Variants in DLEC1 observed in about 807,000 individuals in gnomAD.
The protein encoded by DLEC1 is DLEC1 cilia and flagella associated protein.
A neutral mutation model predicts 198.1 loss-of-function variants in DLEC1; 146 were observed. The ratio of observed to expected loss-of-function variants is 0.74; its 90% CI spans 0.64 to 0.85. The LOEUF (loss-of-function observed/expected upper bound fraction) is 0.85, where lower values mean the gene tolerates loss of function less well. DLEC1 is among the 40% of genes least tolerant of loss of function. The pLI is 0.00. For synonymous variants in DLEC1, 897 were observed against 866.8 expected (o/e 1.03, Z -0.61); for missense variants, 2,233 against 2,220.0 (o/e 1.01, Z -0.12).
At chr3:38,067,862 C>G (rs1442804225) in intron 6 of DLEC1, among the ~76,000 whole-genome samples, 4 of 149,894 alleles carry the variant, frequency 2.7e-5, no homozygotes, top group Non-Finnish European at 4.4e-5. Flanking sequence ...AAGCAATTCT[C>G]CCACTTCAGC....
At chr3:38,121,547 G>A in intron 34 of DLEC1, 81 bp from the exon 35 acceptor site, 1 of 1,514,480 alleles carries the variant, frequency 6.6e-7, no homozygotes, top group East Asian at 2.3e-5. Flanking sequence ...TCAGCACTTG[G>A]GGTCAGCAGG....
intron 19 of DLEC1, among the ~76,000 whole-genome samples, chr3:38,102,015 G>A (rs768259442): frequency 3.9e-5 from 6 of 152,184 alleles, no homozygotes; most frequent in Non-Finnish European, 8.8e-5. Context: ...ATTGGCTCAC[G>A]TAACTGGGCA....
Position 38,122,912 on chromosome 3 carries a change from T to TGAA in DLEC1, c.*502_*504dup. 1 of 927,180 alleles carries TGAA rather than the reference T, an allele frequency of 1.1e-6. No individual in the cohort carries two copies. Among genetic ancestry groups the TGAA allele is most frequent in the South Asian group, 1.6e-5 (1 of 64,452 alleles). 57.4% of individuals were successfully genotyped at this position (927,180 alleles called of 1,614,324 possible). On this transcript the variant is annotated 3_prime_UTR_variant, in exon 37 of 37. Transcript: ENST00000308059. ...CAGTGTTCACATTTTCCAAATGAGTTGAAGTGCCTTGATCTGTCCACTGCC... is the reference window on the plus strand; with the variant it reads ...CAGTGTTCACATTTTCCAAATGAGTTGAAGAAGTGCCTTGATCTGTCCACTGCC...
intron 6 of DLEC1, among the ~76,000 whole-genome samples, chr3:38,082,483 G>A (rs1047319905): frequency 5.9e-5 from 9 of 152,154 alleles, no homozygotes; most frequent in East Asian, 1.9e-4. Flanking sequence ...GGCCCGTCCC[G>A]GTTCGGGTGT....
chr3:38,057,405 G>A (rs925876070), intron 2 of DLEC1, among the ~76,000 whole-genome samples: 21 of 151,990 alleles, frequency 1.4e-4, no homozygotes, highest in African/African-American at 4.8e-4. Context: ...GGTAGGAGAA[G>A]CGCTTGAACC....
At chr3:38,077,609 C>T (rs1447013375) in intron 6 of DLEC1, among the ~76,000 whole-genome samples, 1 of 152,148 alleles carries the variant, frequency 6.6e-6, no homozygotes, top group African/African-American at 2.4e-5. Flanking sequence ...GGTCTGTTAT[C>T]AGATTGTATA....
At chr3:38,115,254 AAG>A (rs1241810817) in intron 27 of DLEC1, among the ~76,000 whole-genome samples, 1 of 152,160 alleles carries the variant, frequency 6.6e-6, no homozygotes, top group Non-Finnish European at 1.5e-5. Flanking sequence ...AACAGACAAT[AAG>A]AGGGGATCCC....
chr3:38,065,120 C>T lies in DLEC1; in HGVS notation c.1173+1201C>T, dbSNP rs548374788. 1.4e-3 allele frequency among the ~76,000 whole-genome samples: 220 copies of T among 152,348 alleles called. 1 individual carries two copies. The highest frequency in any genetic ancestry group is 5.1e-3 in the African/African-American group (211 of 41,588). ...GGGAGGCTGAGGCTGGCAGATCACT[C>T]GTGGTCAGGAGCTGGAGACCAGCCC... is the stretch of plus-strand genomic sequence containing the variant. On this transcript the variant is annotated intron_variant, in intron 6 of 36. Transcript: ENST00000308059.
chr3:38,091,310 A>T (rs917781046), intron 10 of DLEC1, among the ~76,000 whole-genome samples: 4 of 152,080 alleles, frequency 2.6e-5, no homozygotes, highest in Non-Finnish European at 5.9e-5. Flanking sequence ...TAAAAAATTT[A>T]AAAAACTAGC....
At chr3:38,072,628 T>A (rs1290346297) in intron 6 of DLEC1, among the ~76,000 whole-genome samples, 1 of 152,200 alleles carries the variant, frequency 6.6e-6, no homozygotes, top group Non-Finnish European at 1.5e-5. Flanking sequence ...TTTCCTTTTG[T>A]GAGTTTATAT....
chr3:38,063,998 T>G (rs566656050), intron 6 of DLEC1, 79 bp downstream of exon 6: 1 of 853,052 alleles, frequency 1.2e-6, no homozygotes, highest in Non-Finnish European at 1.7e-6. Context: ...GAAATTTTCT[T>G]TTTTTTTTCT....
chr3:38,077,952 G>A (rs1276811305), intron 6 of DLEC1, among the ~76,000 whole-genome samples: 4 of 152,170 alleles, frequency 2.6e-5, no homozygotes, highest in Admixed American at 6.5e-5. Context: ...TCTAAGAGGC[G>A]GGCTAGTGGC....
chr3:38,122,469 G>A lies in DLEC1; in HGVS notation c.*57G>A. On this transcript the variant is annotated 3_prime_UTR_variant, in exon 37 of 37. Transcript: ENST00000308059. Reference sequence around the variant, plus strand: ...AGCTGGAGAAAAAACATTGCCCAGGGATTAGGAGCAGCTCTTCAGCACAAA... The same window carrying A: ...AGCTGGAGAAAAAACATTGCCCAGGAATTAGGAGCAGCTCTTCAGCACAAA... 6.2e-7 allele frequency: 1 copy of A among 1,613,680 alleles called. No individual in the cohort carries two copies. The highest frequency in any genetic ancestry group is 8.5e-7 in the Non-Finnish European group (1 of 1,179,972).
chr3:38,118,446 G>T (rs1700298588), intron 33 of DLEC1, among the ~76,000 whole-genome samples: 1 of 152,178 alleles, frequency 6.6e-6, no homozygotes, highest in South Asian at 2.1e-4. Flanking sequence ...TGCCATAATT[G>T]TAAGACACTC....
At position 38,073,569 on chromosome 3, in the gene DLEC1, C is replaced by T. The variant is rs577474067; in HGVS notation, c.1173+9650C>T. ...GGAGGCTTTGGGTTGGGGAGAAGAG[C>T]GGCAATGAGATGCGGCTATAGTAGT... On this transcript the variant is annotated intron_variant, in intron 6 of 36. Coordinates refer to ENST00000308059, the MANE Select transcript of DLEC1 (RefSeq NM_007335.4). 3.9e-5 allele frequency among the ~76,000 whole-genome samples: 6 copies of T among 152,032 alleles called. No individual in the cohort carries two copies. In the South Asian group the frequency reaches 6.2e-4, roughly 16 times the overall value.
chr3:38,081,171 T>C (rs1697963714), intron 6 of DLEC1, among the ~76,000 whole-genome samples: 3 of 139,890 alleles, frequency 2.1e-5, no homozygotes, highest in Admixed American at 7.4e-5. Flanking sequence ...GCAGAGGAAT[T>C]TTTCTTAGTG....
chr3:38,052,383 C>G (rs890458567), intron 2 of DLEC1: 1 of 287,306 alleles, frequency 3.5e-6, no homozygotes, highest in African/African-American at 2.2e-5. Context: ...TTGAATGTTG[C>G]TGGAATGGTT....
intron 6 of DLEC1, among the ~76,000 whole-genome samples, chr3:38,081,676 C>G (rs1325866969): frequency 1.3e-5 from 1 of 79,590 alleles, no homozygotes; most frequent in Admixed American, 1.1e-4. Context: ...GCTGACCCCC[C>G]CATCTCCCTC....
At chr3:38,065,524 C>T (rs1696981858) in intron 6 of DLEC1, among the ~76,000 whole-genome samples, 2 of 152,216 alleles carry the variant, frequency 1.3e-5, no homozygotes, top group Non-Finnish European at 2.9e-5. Flanking sequence ...TACATTTTGC[C>T]AATCTGGTTT....
Sources: gnomAD v4.1 joint callset for allele counts (sites outside exome capture counted in the v4.1 genomes callset) on GRCh38, gnomAD v4.1.1 for gene constraint, MANE v1.5 for transcripts, NCBI Gene and HGNC (gene_info 2026-07-23, HGNC 2026-07-21) for gene names.